Variants in SNX6 observed in about 807,000 individuals in gnomAD.
SNX6 encodes the protein sorting nexin 6.
Under a neutral mutation model 63.0 loss-of-function variants are expected in SNX6, and 34 were observed. The ratio of observed to expected loss-of-function variants is 0.54; its 90% confidence interval spans 0.41 to 0.72. The LOEUF is 0.72. Among genes scored for constraint, SNX6 ranks in the 30% least tolerant of loss-of-function variants. SNX6 has a pLI of 0.00. For missense variants in SNX6, 398 were observed against 471.4 expected (o/e 0.84, Z 1.44); for synonymous variants, 170 against 164.2 (o/e 1.04, Z -0.27).
intron 2 of SNX6, among the ~76,000 whole-genome samples, chr14:34,625,065 G>A (rs1259922082): frequency 2.0e-5 from 3 of 151,798 alleles, no homozygotes; most frequent in Non-Finnish European, 2.9e-5. Flanking sequence ...ACAGGTGCCC[G>A]CCACCATGCC....
chr14:34,602,071 C>A (rs2138340379), intron 6 of SNX6, among the ~76,000 whole-genome samples: 1 of 151,628 alleles, frequency 6.6e-6, no homozygotes, highest in East Asian at 2.0e-4. Flanking sequence ...AGGTGGATCA[C>A]CTGAGGTCAG....
intron 6 of SNX6, among the ~76,000 whole-genome samples, chr14:34,601,568 T>C (rs1423644020): frequency 2.0e-5 from 3 of 151,640 alleles, no homozygotes; most frequent in African/African-American, 7.3e-5. Flanking sequence ...AAAAAATCAG[T>C]GTCCCTTGTA....
intron 10 of SNX6, among the ~76,000 whole-genome samples, chr14:34,576,517 C>T (rs1022393924): frequency 1.3e-5 from 2 of 150,608 alleles, no homozygotes; most frequent in Admixed American, 6.6e-5. Context: ...GGCGCAATCT[C>T]GGCTCACTGC....
intron 9 of SNX6, among the ~76,000 whole-genome samples, chr14:34,584,601 T>TAC (rs1882074422): frequency 6.6e-6 from 1 of 151,888 alleles, no homozygotes; most frequent in African/African-American, 2.4e-5. Context: ...CATACATACA[T>TAC]ATATATATAT....
chr14:34,564,440 G>A (rs927660284), intron 13 of SNX6, among the ~76,000 whole-genome samples: 1 of 152,138 alleles, frequency 6.6e-6, no homozygotes, highest in Non-Finnish European at 1.5e-5. Context: ...ATGTCCTCTG[G>A]GGGGCAGAAT....
At chr14:34,611,202 A>T (rs989601477) in intron 2 of SNX6, among the ~76,000 whole-genome samples, 1 of 142,752 alleles carries the variant, frequency 7.0e-6, no homozygotes, top group African/African-American at 2.5e-5. Context: ...CATGTTGGCC[A>T]GGCTGGTCTT....
At chr14:34,626,932 TTA>T (rs1883850855) in intron 2 of SNX6, among the ~76,000 whole-genome samples, 1 of 152,182 alleles carries the variant, frequency 6.6e-6, no homozygotes, top group South Asian at 2.1e-4. Flanking sequence ...TTTAGAATAA[TTA>T]GTTTAATTGT....
intron 2 of SNX6, among the ~76,000 whole-genome samples, chr14:34,619,670 CCCA>C (rs1219942238): frequency 1.3e-5 from 2 of 152,034 alleles, no homozygotes; most frequent in African/African-American, 2.4e-5. Context: ...CTGCTTTCTC[CCCA>C]CCACTTTTAC....
Position 34,611,519 on chromosome 14 carries a change from C to T in SNX6, c.55-1777G>A, listed in dbSNP as rs556780833. Among the ~76,000 whole-genome samples the T allele has an allele frequency of 3.3e-5, 5 of 150,986 alleles. No homozygotes were observed. The East Asian group carries it at 7.9e-4, about 24-fold the overall frequency. ...GGGGGGGAGGCCGGGTGTGGTGGCT[C>T]ACACCTATAATCCCAGCACTTTGGC... On this transcript the variant is annotated intron_variant, in intron 2 of 13. Coordinates refer to ENST00000362031, the MANE Select transcript of SNX6 (RefSeq NM_152233.4).
At chr14:34,628,951 G>A (rs1335343947) in intron 2 of SNX6, among the ~76,000 whole-genome samples, 2 of 152,076 alleles carry the variant, frequency 1.3e-5, no homozygotes, top group Non-Finnish European at 2.9e-5. Flanking sequence ...AGAGTGGGGT[G>A]GGAGGGAGGA....
At chr14:34,618,350 C>G (rs776090317) in intron 2 of SNX6, among the ~76,000 whole-genome samples, 2 of 126,316 alleles carry the variant, frequency 1.6e-5, no homozygotes, top group Admixed American at 1.4e-4. Context: ...TGCCATGTGG[C>G]CTCCTTTTTG....
At chr14:34,597,243 C>T in intron 7 of SNX6, among the ~76,000 whole-genome samples, 1 of 152,296 alleles carries the variant, frequency 6.6e-6, no homozygotes, top group South Asian at 2.1e-4. Context: ...CATATAGGAA[C>T]TGCAAGGCTT....
At chr14:34,567,570 G>T (rs759690186) in intron 13 of SNX6, 116 bp downstream of exon 13, 25 of 777,314 alleles carry the variant, frequency 3.2e-5, no homozygotes, top group Non-Finnish European at 5.3e-5. Context: ...TCCAGTTCAG[G>T]AATAGTTGTC....
In SNX6 at chr14:34,593,123, G is replaced by A. The variant is rs751780442; in HGVS notation, c.640C>T (p.Arg214Ter). 1.2e-6 allele frequency: 2 copies of A among 1,604,814 alleles called. No homozygotes were observed. The highest frequency in any genetic ancestry group is 2.2e-5 in the East Asian group (1 of 44,618). The change falls in exon 8 of 14, where the codon CGA becomes TGA. Residue 214 changes from arginine (R) to a stop codon, truncating the protein, a stop_gained. Coordinates refer to ENST00000362031, the MANE Select transcript of SNX6 (RefSeq NM_152233.4). LOFTEE classifies it high-confidence loss of function. ...KDVDDFFEHE[R>*]TFLLEYHNRV... ...TTATGATACTCCAAAAGAAATGTTC[G>A]TTCGTGCTCAAAGAAATCATCTACA...
At chr14:34,569,401 G>C (rs1881338599) in intron 11 of SNX6, among the ~76,000 whole-genome samples, 1 of 151,884 alleles carries the variant, frequency 6.6e-6, no homozygotes, top group African/African-American at 2.4e-5. Flanking sequence ...GCCTACTACA[G>C]ATTTGCCTAT....
At chr14:34,590,644 G>C (rs532994824) in intron 8 of SNX6, among the ~76,000 whole-genome samples, 15 of 152,150 alleles carry the variant, frequency 9.9e-5, no homozygotes, top group African/African-American at 3.4e-4. Context: ...GAACTCTCAT[G>C]CCCTGCTCGT....
At chr14:34,596,217 CAA>C (rs1300623734) in intron 7 of SNX6, among the ~76,000 whole-genome samples, 13 of 127,188 alleles carry the variant, frequency 1.0e-4, no homozygotes, top group Admixed American at 7.9e-5. Flanking sequence ...ATTCTGTCTC[CAA>C]AAAAAAAAAA....
chr14:34,606,197 T>A (rs148256080), intron 4 of SNX6, among the ~76,000 whole-genome samples: 54,159 of 134,180 alleles, frequency 0.4, 10,094 homozygotes, highest in African/African-American at 0.47. Flanking sequence ...TTATCTAATC[T>A]TTTTTTTTTT....
chr14:34,569,552 G>A (rs1881347424), intron 11 of SNX6, among the ~76,000 whole-genome samples: 1 of 152,026 alleles, frequency 6.6e-6, no homozygotes, highest in South Asian at 2.1e-4. Flanking sequence ...TCAGCCTCCT[G>A]AGTAGCTGGG....
Sources: allele counts gnomAD v4.1 joint callset (sites outside exome capture counted in the v4.1 genomes callset), GRCh38; gene constraint gnomAD v4.1.1; transcripts MANE v1.5; gene names NCBI Gene and HGNC (gene_info 2026-07-23, HGNC 2026-07-21).